RIMS2: variants seen among roughly 807,000 people sequenced by gnomAD.
The protein encoded by RIMS2 is regulating synaptic membrane exocytosis 2.
RIMS2 carries 59 observed loss-of-function variants against 174.4 expected under a neutral mutation model. The observed-to-expected ratio is 0.34, with a 90% CI of 0.27 to 0.42. The LOEUF (loss-of-function observed/expected upper bound fraction) is 0.42, where lower values mean the gene tolerates loss of function less well. Among genes scored for constraint, RIMS2 ranks in the 10% least tolerant of loss-of-function variants. RIMS2 has a pLI of 1.00. For missense variants in RIMS2, 1,620 were observed against 1,666.3 expected (o/e 0.97, Z 0.48); for synonymous variants, 606 against 572.5 (o/e 1.06, Z -0.84).
chr8:103,733,815 A>C (rs1308775939), intron 2 of RIMS2, among the ~76,000 whole-genome samples: 1 of 152,078 alleles, frequency 6.6e-6, no homozygotes, highest in African/African-American at 2.4e-5. Flanking sequence ...GGTGTAGGTG[A>C]TTTAAGATGG....
intron 19 of RIMS2, among the ~76,000 whole-genome samples, chr8:104,075,711 T>C (rs1221213258): frequency 6.6e-6 from 1 of 152,182 alleles, no homozygotes; most frequent in African/African-American, 2.4e-5. Context: ...AAGAGAAATA[T>C]CTGGAAATCA....
At chr8:103,534,165 G>A (rs2131006187) in intron 1 of RIMS2, among the ~76,000 whole-genome samples, 1 of 152,210 alleles carries the variant, frequency 6.6e-6, no homozygotes, top group Admixed American at 6.5e-5. Context: ...GCTTACATAT[G>A]GAATTTATAA....
chr8:103,849,177 G>A (rs1373298242), intron 3 of RIMS2, among the ~76,000 whole-genome samples: 3 of 152,028 alleles, frequency 2.0e-5, no homozygotes, highest in Admixed American at 2.0e-4. Context: ...GTGTGGCAGG[G>A]ACCACGGATA....
At chr8:103,678,793 A>G (rs1252403743) in intron 1 of RIMS2, among the ~76,000 whole-genome samples, 1 of 152,140 alleles carries the variant, frequency 6.6e-6, no homozygotes, top group East Asian at 1.9e-4. Flanking sequence ...ATTCAATTGA[A>G]ATACCAATCT....
At chr8:104,244,498 A>G (rs781488260) in intron 19 of RIMS2, among the ~76,000 whole-genome samples, 8 of 152,182 alleles carry the variant, frequency 5.3e-5, no homozygotes, top group South Asian at 2.1e-4. Context: ...TTCTTTTACT[A>G]TGATTAAAAG....
At chr8:103,774,524 A>G (rs1448441382) in intron 3 of RIMS2, among the ~76,000 whole-genome samples, 2 of 152,218 alleles carry the variant, frequency 1.3e-5, no homozygotes, top group East Asian at 1.9e-4. Flanking sequence ...AACTATTTAC[A>G]TGCACAAAAA....
chr8:103,928,488 A>C (rs1314165529), intron 11 of RIMS2, among the ~76,000 whole-genome samples: 1 of 151,430 alleles, frequency 6.6e-6, no homozygotes, highest in East Asian at 1.9e-4. Context: ...ATTTAATTTT[A>C]TGTAATACTT....
chr8:103,609,299 T>C (rs1453703424), intron 1 of RIMS2, among the ~76,000 whole-genome samples: 1 of 152,252 alleles, frequency 6.6e-6, no homozygotes, highest in Non-Finnish European at 1.5e-5. Flanking sequence ...TCTCCCATTC[T>C]GTAGGTTGTC....
chr8:104,068,894 A>C (rs1045412790), intron 19 of RIMS2, among the ~76,000 whole-genome samples: 1 of 152,202 alleles, frequency 6.6e-6, no homozygotes, highest in African/African-American at 2.4e-5. Flanking sequence ...AAAATGTTTA[A>C]GAACTTAAAT....
chr8:103,756,870 T>C (rs1225867913), intron 2 of RIMS2, among the ~76,000 whole-genome samples: 1 of 152,172 alleles, frequency 6.6e-6, no homozygotes, highest in Non-Finnish European at 1.5e-5. Context: ...ACTCAATATT[T>C]TGGCTGTAGA....
At chr8:103,627,023 G>T (rs1193995992) in intron 1 of RIMS2, among the ~76,000 whole-genome samples, 1 of 152,136 alleles carries the variant, frequency 6.6e-6, no homozygotes, top group Non-Finnish European at 1.5e-5. Flanking sequence ...TTACCAGGCT[G>T]GAATTTCCCA....
intron 1 of RIMS2, among the ~76,000 whole-genome samples, chr8:103,605,272 C>G (rs540103542): frequency 1.4e-5 from 2 of 142,270 alleles, no homozygotes; most frequent in African/African-American, 5.5e-5. Flanking sequence ...TGGTTTTTGT[C>G]TTTGGCTCTG....
At chr8:103,818,247 G>A (rs28362513) in intron 3 of RIMS2, among the ~76,000 whole-genome samples, 23,881 of 151,984 alleles carry the variant, frequency 0.16, 1,965 homozygotes, top group Middle Eastern at 0.25. Context: ...AAGAGTTAAG[G>A]TCAAAAGGGC....
intron 19 of RIMS2, among the ~76,000 whole-genome samples, chr8:104,024,409 T>A (rs551709204): frequency 8.5e-5 from 13 of 152,320 alleles, no homozygotes; most frequent in African/African-American, 3.1e-4. Context: ...ATAACTACCT[T>A]TCTTCAATCC....
chr8:103,688,726 T>C (rs1413156075), intron 1 of RIMS2, among the ~76,000 whole-genome samples: 1 of 152,094 alleles, frequency 6.6e-6, no homozygotes, highest in Non-Finnish European at 1.5e-5. Context: ...ATCTCTGTGG[T>C]ATGAACTTTA....
At chr8:103,981,336 G>T (rs559149446) in intron 16 of RIMS2, among the ~76,000 whole-genome samples, 1 of 152,274 alleles carries the variant, frequency 6.6e-6, no homozygotes, top group South Asian at 2.1e-4. Context: ...GACCACCAAG[G>T]TGGTACCTCT....
chr8:103,901,936 C>T (rs555514689), intron 4 of RIMS2, among the ~76,000 whole-genome samples: 13 of 152,200 alleles, frequency 8.5e-5, no homozygotes, highest in African/African-American at 3.1e-4. Context: ...GAGCAAATTG[C>T]CAGACACTTA....
intron 2 of RIMS2, among the ~76,000 whole-genome samples, chr8:103,741,085 AATT>A (rs2097757489): frequency 6.6e-6 from 1 of 152,086 alleles, no homozygotes; most frequent in Admixed American, 6.6e-5. Context: ...TAATTGTAAT[AATT>A]ATTAATACAC....
intron 1 of RIMS2, among the ~76,000 whole-genome samples, chr8:103,537,503 C>T (rs1030539417): frequency 4.6e-5 from 7 of 152,110 alleles, no homozygotes; most frequent in African/African-American, 1.7e-4. Flanking sequence ...TCTACCAGGA[C>T]AGCAATTTGA....
Sources: gnomAD v4.1 joint callset for allele counts (sites outside exome capture counted in the v4.1 genomes callset) on GRCh38, gnomAD v4.1.1 for gene constraint, MANE v1.5 for transcripts, NCBI Gene and HGNC (gene_info 2026-07-23, HGNC 2026-07-21) for gene names.